The following SNX8 variants were observed in gnomAD, a reference collection of about 807,000 sequenced individuals.
SNX8 encodes sorting nexin-8.
SNX8 carries 25 observed loss-of-function variants against 51.6 expected under a neutral mutation model. The observed-to-expected ratio is 0.48, with a 90% CI of 0.35 to 0.68. SNX8 has a LOEUF of 0.68. Among genes scored for constraint, SNX8 ranks in the 30% least tolerant of loss-of-function variants. SNX8 has a pLI of 0.00. For missense variants in SNX8, 695 were observed against 624.0 expected, an observed-to-expected ratio of 1.11 and a Z score of -1.21; for synonymous variants, 324 against 277.0, an observed-to-expected ratio of 1.17 and a Z score of -1.68.
At chr7:2,305,424 T>C (rs1208579521) in intron 1 of SNX8, among the ~76,000 whole-genome samples, 1 of 152,094 alleles carries the variant, frequency 6.6e-6, no homozygotes, top group Non-Finnish European at 1.5e-5. Context: ...AGTGCAGTGG[T>C]GCAATCTCAG....
At position 2,269,595 on chromosome 7, in the gene SNX8, G is replaced by T; in HGVS notation, c.585C>A (p.Asp195Glu). 6.3e-7 allele frequency: 1 copy of T among 1,592,756 alleles called. No homozygotes were observed. ...TAGCCAGCTTACAGTTCAGGAATTC[G>T]TCCCCGACGCACTGTGCTGACTCCT... The part of the protein sequence containing the change: ...KLKESAQCVG[D>E]EFLNCKLATR... The change falls in exon 5 of 11, where the codon GAC (aspartate) becomes GAA (glutamate). Residue 195 changes from aspartate (D) to glutamate (E), a missense_variant. Coordinates refer to ENST00000222990, the MANE Select transcript of SNX8 (RefSeq NM_013321.4).
intron 1 of SNX8, among the ~76,000 whole-genome samples, chr7:2,323,305 G>C (rs12672260): frequency 0.28 from 40,051 of 144,930 alleles, 5,773 homozygotes; most frequent in Middle Eastern, 0.46. Flanking sequence ...CCTCCAGCCA[G>C]GGCGACAGAG....
chr7:2,313,055 G>A (rs1226581038), intron 1 of SNX8, among the ~76,000 whole-genome samples: 11 of 151,942 alleles, frequency 7.2e-5, no homozygotes, highest in Admixed American at 5.9e-4. Flanking sequence ...CCGCCACCGC[G>A]CCTGGCTAAT....
intron 1 of SNX8, among the ~76,000 whole-genome samples, chr7:2,297,870 C>T (rs946301920): frequency 2.0e-5 from 3 of 151,750 alleles, no homozygotes; most frequent in African/African-American, 7.3e-5. Flanking sequence ...AGTGGGATAA[C>T]AGACACTGGA....
chr7:2,263,362 A>C lies in SNX8; in HGVS notation c.783T>G (p.Ser261Arg), dbSNP rs766608825. 1 of 1,595,038 alleles carries C rather than the reference A, an allele frequency of 6.3e-7. No homozygotes were observed. The highest frequency in any genetic ancestry group is 1.1e-5 in the South Asian group (1 of 88,902). Residue 261 changes from serine to arginine, a missense_variant and splice_region_variant, in exon 7 of 11, where the codon AGT becomes AGG. By Grantham distance (110) the Ser-to-Arg change is moderately radical. Transcript: ENST00000222990. ...ADLLIFGKEL[S>R]AIGSDTTPLP... ...GCGGGGTCGTGTCAGACCCTATTGC[A>C]CTGAGGGAGCAAGCACACAGGAGAG... is the stretch of plus-strand genomic sequence containing the variant.
chr7:2,352,605 G>A (rs547687801), intron 1 of SNX8, among the ~76,000 whole-genome samples: 28 of 152,128 alleles, frequency 1.8e-4, no homozygotes, highest in Middle Eastern at 6.8e-3. Context: ...GGCCGAGGCA[G>A]GCGGATCACA....
At chr7:2,295,149 T>A (rs1409633174) in intron 1 of SNX8, among the ~76,000 whole-genome samples, 2 of 152,162 alleles carry the variant, frequency 1.3e-5, no homozygotes, top group Non-Finnish European at 2.9e-5. Context: ...ACACCTGTTA[T>A]CCCAGCAACT....
chr7:2,302,347 A>G (rs7811916), intron 1 of SNX8, among the ~76,000 whole-genome samples: 149,415 of 152,342 alleles, frequency 0.98, 73,299 homozygotes, highest in African/African-American at 0.99. Context: ...TGAGTGATCC[A>G]CCAGCCTCGG....
At chr7:2,352,794 C>T (rs910503883) in intron 1 of SNX8, among the ~76,000 whole-genome samples, 2 of 151,936 alleles carry the variant, frequency 1.3e-5, no homozygotes, top group African/African-American at 2.4e-5. Flanking sequence ...CGAGATCGTG[C>T]CACTGCACTC....
chr7:2,271,023 A>C (rs999064730), intron 4 of SNX8, among the ~76,000 whole-genome samples: 4 of 152,208 alleles, frequency 2.6e-5, no homozygotes, highest in African/African-American at 2.4e-5. Flanking sequence ...CTCCTCCAGG[A>C]AACAGGAGCT....
chr7:2,314,478 C>G, upstream of SNX8: 4 of 1,182,068 alleles, frequency 3.4e-6, no homozygotes, highest in Non-Finnish European at 4.2e-6. Context: ...GCAGCCCTGC[C>G]GCGCCGCGCC....
At chr7:2,346,798 T>C (rs1463418212) in intron 1 of SNX8, among the ~76,000 whole-genome samples, 2 of 146,970 alleles carry the variant, frequency 1.4e-5, no homozygotes, top group African/African-American at 5.0e-5. Context: ...CTCACACCTG[T>C]AGCCACAAGT....
At chr7:2,336,295 G>A (rs924664465) in intron 1 of SNX8, among the ~76,000 whole-genome samples, 4 of 152,074 alleles carry the variant, frequency 2.6e-5, no homozygotes, top group Non-Finnish European at 4.4e-5. Flanking sequence ...CAGCTACTCA[G>A]AAGGCTGAGG....
intron 1 of SNX8, chr7:2,287,856 G>A (rs1796067226): frequency 6.6e-6 from 1 of 151,632 alleles, no homozygotes; most frequent in African/African-American, 2.4e-5. Flanking sequence ...ACTGCAGTGA[G>A]CCAGGATAAC....
chr7:2,291,016 C>T (rs1401754176), intron 1 of SNX8, among the ~76,000 whole-genome samples: 1 of 152,148 alleles, frequency 6.6e-6, no homozygotes, highest in African/African-American at 2.4e-5. Flanking sequence ...AGTCTTGTAG[C>T]GGGGCACTGG....
intron 1 of SNX8, among the ~76,000 whole-genome samples, chr7:2,353,029 C>A (rs1157354063): frequency 1.3e-5 from 2 of 152,094 alleles, no homozygotes; most frequent in African/African-American, 4.8e-5. Context: ...TGTGGTGGCT[C>A]ATGCCTATAG....
At chr7:2,349,126 C>G (rs1349975622) in intron 1 of SNX8, among the ~76,000 whole-genome samples, 1 of 149,872 alleles carries the variant, frequency 6.7e-6, no homozygotes, top group East Asian at 2.0e-4. Flanking sequence ...ACTGCTTGAA[C>G]CTGGGAGGTG....
At chr7:2,275,035 T>C (rs1795742892) in intron 3 of SNX8, 77 bp downstream of exon 3, 4 of 990,246 alleles carry the variant, frequency 4.0e-6, no homozygotes, top group Middle Eastern at 4.2e-4. Context: ...GTGGGGTCCA[T>C]CCCTGAGCCA....
intron 1 of SNX8, 141 bp from the exon 2 acceptor site, chr7:2,278,446 C>T: frequency 1.7e-6 from 1 of 585,892 alleles, no homozygotes; most frequent in Non-Finnish European, 3.0e-6. Flanking sequence ...GAGTTCAAGA[C>T]CAGCCTAGGT....
Sources: gnomAD v4.1 joint callset for allele counts (sites outside exome capture counted in the v4.1 genomes callset) on GRCh38, gnomAD v4.1.1 for gene constraint, MANE v1.5 for transcripts, NCBI Gene and HGNC (gene_info 2026-07-23, HGNC 2026-07-21) for gene names.